PCDH15: variants seen among roughly 807,000 people sequenced by gnomAD.
PCDH15 encodes the protein protocadherin related 15, also known as protocadherin-15.
PCDH15 carries 129 observed loss-of-function variants against 178.5 expected under a neutral mutation model. That is an observed-to-expected ratio of 0.72 (90% CI 0.63 to 0.84). PCDH15 has a LOEUF of 0.84. PCDH15 is among the 40% of genes least tolerant of loss of function. The pLI is 0.00. For missense variants in PCDH15, 2,230 were observed against 2,099.9 expected (o/e 1.06, Z -1.21); for synonymous variants, 800 against 732.0 (o/e 1.09, Z -1.50).
At chr10:54,089,158 A>T (rs1184696440) in intron 16 of PCDH15, among the ~76,000 whole-genome samples, 1 of 152,226 alleles carries the variant, frequency 6.6e-6, no homozygotes, top group African/African-American at 2.4e-5. Flanking sequence ...GGGAAGACTA[A>T]TTGACCAGCA....
intron 15 of PCDH15, among the ~76,000 whole-genome samples, chr10:54,090,557 T>C (rs1477693847): frequency 1.3e-5 from 2 of 151,088 alleles, no homozygotes; most frequent in East Asian, 1.9e-4. Context: ...GGCAGGAGAA[T>C]TGCTTGAACC....
chr10:53,962,520 T>C (rs973946118), intron 21 of PCDH15, among the ~76,000 whole-genome samples: 1 of 152,194 alleles, frequency 6.6e-6, no homozygotes, highest in Admixed American at 6.5e-5. Context: ...TAAGATGACA[T>C]TAATAATGAA....
At chr10:55,515,370 T>G (rs2132156827) in intron 2 of PCDH15, among the ~76,000 whole-genome samples, 1 of 152,158 alleles carries the variant, frequency 6.6e-6, no homozygotes, top group South Asian at 2.1e-4. Context: ...CAACTATAAA[T>G]CTTGGAAGGC....
At chr10:54,462,157 C>G (rs1340980501) in intron 3 of PCDH15, among the ~76,000 whole-genome samples, 1 of 152,162 alleles carries the variant, frequency 6.6e-6, no homozygotes, top group South Asian at 2.1e-4. Context: ...TTTTCAGAAT[C>G]TGAGAAGTGT....
intron 1 of PCDH15, among the ~76,000 whole-genome samples, chr10:54,790,370 A>AAT (rs1554792851): frequency 6.6e-6 from 1 of 151,342 alleles, no homozygotes; most frequent in Non-Finnish European, 1.5e-5. Context: ...ATATGTAAAA[A>AAT]ATATATATAT....
intron 2 of PCDH15, among the ~76,000 whole-genome samples, chr10:54,543,186 C>T (rs2085456840): frequency 6.6e-5 from 10 of 152,188 alleles, no homozygotes; most frequent in Admixed American, 5.9e-4. Flanking sequence ...GCTACTTCCA[C>T]TCAATAAAAC....
intron 3 of PCDH15, among the ~76,000 whole-genome samples, chr10:54,855,848 G>A (rs1953731818): frequency 6.6e-6 from 1 of 152,130 alleles, no homozygotes; most frequent in Non-Finnish European, 1.5e-5. Context: ...CTTGTCAATA[G>A]CAGAAGTCAT....
chr10:54,871,083 A>G (rs1954031354), intron 3 of PCDH15, among the ~76,000 whole-genome samples: 1 of 152,166 alleles, frequency 6.6e-6, no homozygotes, highest in Non-Finnish European at 1.5e-5. Context: ...GGAACTTTAA[A>G]AATCCACATC....
At chr10:54,707,009 T>A (rs2095371687) in intron 1 of PCDH15, among the ~76,000 whole-genome samples, 1 of 152,214 alleles carries the variant, frequency 6.6e-6, no homozygotes, top group Non-Finnish European at 1.5e-5. Context: ...TATACAGACC[T>A]ACTTCTCTAA....
chr10:54,095,246 A>T (rs1441707629), intron 15 of PCDH15, among the ~76,000 whole-genome samples: 1 of 152,134 alleles, frequency 6.6e-6, no homozygotes, highest in Non-Finnish European at 1.5e-5. Context: ...GTATACATTC[A>T]TTCCTGGTAT....
intron 13 of PCDH15, among the ~76,000 whole-genome samples, chr10:54,159,472 G>T (rs886336687): frequency 2.0e-5 from 3 of 152,064 alleles, no homozygotes; most frequent in Non-Finnish European, 4.4e-5. Flanking sequence ...TTCTGCTTAT[G>T]CCTGAAACCA....
chr10:54,899,593 T>A (rs1023410101), intron 2 of PCDH15, among the ~76,000 whole-genome samples: 4 of 151,024 alleles, frequency 2.6e-5, no homozygotes, highest in African/African-American at 9.7e-5. Flanking sequence ...GCCTCCCGGG[T>A]TCAAGCAATT....
intron 2 of PCDH15, among the ~76,000 whole-genome samples, chr10:54,588,670 C>CG (rs151306959): frequency 7.5e-5 from 1 of 13,376 alleles, no homozygotes; most frequent in South Asian, 3.3e-3. Context: ...CTCTACTTCC[C>CG]ACTCAAGCGA....
At chr10:55,329,972 C>T (rs1040208577) in intron 2 of PCDH15, among the ~76,000 whole-genome samples, 3 of 151,740 alleles carry the variant, frequency 2.0e-5, no homozygotes, top group Non-Finnish European at 4.4e-5. Context: ...TGCCATTTTA[C>T]TGAGTCACAT....
intron 2 of PCDH15, among the ~76,000 whole-genome samples, chr10:55,529,224 T>G (rs1425354371): frequency 6.6e-6 from 1 of 152,128 alleles, no homozygotes; most frequent in Non-Finnish European, 1.5e-5. Flanking sequence ...AGAAGCTCTT[T>G]AGTTTAATTA....
At chr10:55,288,959 C>T (rs567290547) in intron 1 of PCDH15, among the ~76,000 whole-genome samples, 1 of 151,734 alleles carries the variant, frequency 6.6e-6, no homozygotes, top group African/African-American at 2.4e-5. Flanking sequence ...CAAATTGTTT[C>T]CCATATCCAG....
intron 2 of PCDH15, among the ~76,000 whole-genome samples, chr10:54,936,251 G>A (rs1837904631): frequency 6.6e-6 from 1 of 151,962 alleles, no homozygotes; most frequent in African/African-American, 2.4e-5. Flanking sequence ...TCATTGTGTG[G>A]ATATACTACA....
chr10:54,089,805 G>C (rs1183748400), intron 16 of PCDH15, among the ~76,000 whole-genome samples, 179 bp downstream of exon 16: 1 of 152,094 alleles, frequency 6.6e-6, no homozygotes. Context: ...AAAATAAACA[G>C]TCTCCTGGGT....
chr10:54,783,011 A>G (rs575746353), intron 1 of PCDH15, among the ~76,000 whole-genome samples: 1 of 152,296 alleles, frequency 6.6e-6, no homozygotes, highest in South Asian at 2.1e-4. Flanking sequence ...ACTCCATAAA[A>G]TTGGAAGAAG....
Sources: allele counts gnomAD v4.1 joint callset (sites outside exome capture counted in the v4.1 genomes callset), GRCh38; gene constraint gnomAD v4.1.1; transcripts MANE v1.5; gene names NCBI Gene and HGNC (gene_info 2026-07-23, HGNC 2026-07-21).